Variants in GLT1D1 observed in about 807,000 individuals in gnomAD.
GLT1D1 encodes the protein glycosyltransferase 1 domain-containing protein 1.
In GLT1D1, 21 loss-of-function variants were observed where a neutral mutation model predicts 28.7. The observed-to-expected ratio is 0.73, with a 90% CI of 0.52 to 1.05. The LOEUF is 1.05. Among genes scored for constraint, GLT1D1 ranks in the 50% least tolerant of loss-of-function variants. The pLI, the probability that GLT1D1 is intolerant of heterozygous loss-of-function variation, is 0.00. For missense variants in GLT1D1, 343 were observed against 330.6 expected (o/e 1.04, Z -0.29); for synonymous variants, 147 against 124.8 (o/e 1.18, Z -1.19).
chr12:128,938,386 A>G (rs1341589939), intron 4 of GLT1D1, among the ~76,000 whole-genome samples: 1 of 152,282 alleles, frequency 6.6e-6, no homozygotes, highest in East Asian at 1.9e-4. Flanking sequence ...ATTCTTTTAA[A>G]TTTTCTTATG....
chr12:128,879,466 TGG>T (rs150155760), intron 2 of GLT1D1, among the ~76,000 whole-genome samples: 1 of 100,866 alleles, frequency 9.9e-6, no homozygotes, highest in Admixed American at 1.1e-4. Flanking sequence ...TTCTTTTTTT[TGG>T]GGGGGTGGGC....
chr12:128,966,522 T>C (rs470390), intron 7 of GLT1D1, among the ~76,000 whole-genome samples: 106,706 of 152,022 alleles, frequency 0.7, 37,566 homozygotes, highest in Admixed American at 0.78. Context: ...CTCCCCAACC[T>C]CCTCAGACTG....
intron 6 of GLT1D1, among the ~76,000 whole-genome samples, chr12:128,948,942 G>C (rs1318457417): frequency 6.6e-6 from 1 of 152,196 alleles, no homozygotes; most frequent in Non-Finnish European, 1.5e-5. Context: ...TCTGCTGTTA[G>C]GTGCTTTCAG....
chr12:128,887,505 AC>A (rs1868536896), intron 2 of GLT1D1, among the ~76,000 whole-genome samples: 4 of 151,248 alleles, frequency 2.6e-5, no homozygotes, highest in African/African-American at 9.7e-5. Flanking sequence ...ACACACACAC[AC>A]ACACACACAC....
At chr12:128,982,844 C>A in intron 7 of GLT1D1, 85 bp from the exon 12 acceptor site, 1 of 1,278,706 alleles carries the variant, frequency 7.8e-7, no homozygotes, top group Non-Finnish European at 1.1e-6. Context: ...AGGCCAGCAG[C>A]CAATGCAGAC....
chr12:128,943,741 T>C (rs184124341), intron 4 of GLT1D1, among the ~76,000 whole-genome samples: 14 of 152,338 alleles, frequency 9.2e-5, no homozygotes, highest in Non-Finnish European at 1.5e-4. Context: ...TACACATTTC[T>C]TAGTAGCAGA....
chr12:128,968,284 T>C (rs933856053), intron 7 of GLT1D1, among the ~76,000 whole-genome samples: 1 of 150,718 alleles, frequency 6.6e-6, no homozygotes, highest in Non-Finnish European at 1.5e-5. Flanking sequence ...CGTGAGCCAC[T>C]GCGCCCGGTC....
At chr12:128,946,748 G>A (rs1010027040) in intron 5 of GLT1D1, among the ~76,000 whole-genome samples, 21 of 138,878 alleles carry the variant, frequency 1.5e-4, no homozygotes, top group Admixed American at 3.9e-4. Flanking sequence ...TCCCGGGTTC[G>A]AGCAATTCTC....
At chr12:128,936,156 C>CTT (rs34046835) in intron 4 of GLT1D1, among the ~76,000 whole-genome samples, 2,235 of 138,708 alleles carry the variant, frequency 0.016, 25 homozygotes, top group Non-Finnish European at 0.021. Flanking sequence ...AATAAAATAT[C>CTT]TTTTTTTTTT....
intron 7 of GLT1D1, among the ~76,000 whole-genome samples, chr12:128,982,149 C>T (rs113413360): frequency 0.012 from 1,879 of 152,206 alleles, 44 homozygotes; most frequent in African/African-American, 0.043. Context: ...AAACACAGCC[C>T]GAAGCTGAGC....
intron 4 of GLT1D1, among the ~76,000 whole-genome samples, chr12:128,906,269 T>C (rs936224442): frequency 2.0e-5 from 3 of 152,240 alleles, no homozygotes; most frequent in African/African-American, 7.2e-5. Flanking sequence ...TGCTACAATA[T>C]GTAATAGATA....
At chr12:128,982,608 CTTG>C (rs1432377005) in intron 7 of GLT1D1, among the ~76,000 whole-genome samples, 3 of 152,020 alleles carry the variant, frequency 2.0e-5, no homozygotes, top group Admixed American at 2.0e-4. Context: ...GACAGCTGGT[CTTG>C]TTGATTGAGG....
chr12:128,952,606 A>T (rs1449281039), intron 6 of GLT1D1, among the ~76,000 whole-genome samples: 1 of 150,088 alleles, frequency 6.7e-6, no homozygotes, highest in East Asian at 2.0e-4. Context: ...AACTGGGATG[A>T]CAGGCCTGCG....
intron 2 of GLT1D1, among the ~76,000 whole-genome samples, chr12:128,879,444 TTC>T (rs1181267916): frequency 7.7e-6 from 1 of 129,984 alleles, no homozygotes; most frequent in South Asian, 2.8e-4. Flanking sequence ...CTTTCTTTCT[TTC>T]TTTCTTTCTT....
Position 128,947,431 on chromosome 12 carries a change from T to C in GLT1D1, c.513T>C (p.Ser171=), listed in dbSNP as rs779853667. 8.1e-6 allele frequency: 13 copies of C among 1,614,158 alleles called. No individual in the cohort carries two copies. The East Asian group carries it at 2.5e-4, about 30-fold the overall frequency. The stretch of plus-strand genomic sequence containing the variant: ...TCGCGGTGGTGAATAGCTCTGTCTC[T>C]GAAGGCATGTCAGCTGCAATTTTGG... Residue 171 remains serine (S), a synonymous_variant, in exon 6 of 8, where the codon TCT becomes TCC. Coordinates refer to ENST00000281703, the MANE Select transcript of GLT1D1 (RefSeq NM_144669.3).
intron 6 of GLT1D1, among the ~76,000 whole-genome samples, chr12:128,956,138 G>A (rs1295317651): frequency 2.8e-5 from 1 of 36,038 alleles, no homozygotes; most frequent in East Asian, 9.6e-4. Flanking sequence ...CAGCTTGGGT[G>A]ACAGAGCGAG....
At chr12:128,927,240 CTCT>C in intron 4 of GLT1D1, 86 bp downstream of exon 8, 1 of 1,061,768 alleles carries the variant, frequency 9.4e-7, no homozygotes, top group Non-Finnish European at 1.4e-6. Flanking sequence ...GTTTACATTG[CTCT>C]TCTTTATTTT....
chr12:128,925,431 C>A (rs758003568), intron 4 of GLT1D1, among the ~76,000 whole-genome samples: 1 of 152,208 alleles, frequency 6.6e-6, no homozygotes, highest in Non-Finnish European at 1.5e-5. Context: ...TGAGAACATT[C>A]GGTTTTTAGT....
At chr12:128,934,956 G>A (rs1407002794) in intron 4 of GLT1D1, among the ~76,000 whole-genome samples, 10 of 151,994 alleles carry the variant, frequency 6.6e-5, no homozygotes, top group Non-Finnish European at 1.3e-4. Context: ...TCTCTTCAAG[G>A]ACGGGGTCCA....
Sources: gnomAD v4.1 joint callset for allele counts (sites outside exome capture counted in the v4.1 genomes callset) on GRCh38, gnomAD v4.1.1 for gene constraint, MANE v1.5 for transcripts, NCBI Gene and HGNC (gene_info 2026-07-23, HGNC 2026-07-21) for gene names.